TMEM40: variants seen among roughly 807,000 people sequenced by gnomAD.
TMEM40 encodes transmembrane protein 40.
A neutral mutation model predicts 40.8 loss-of-function variants in TMEM40; 34 were observed. That is an observed-to-expected ratio of 0.83 (90% CI 0.63 to 1.11). The LOEUF (loss-of-function observed/expected upper bound fraction) is 1.11. Among genes scored for constraint, TMEM40 ranks in the 50% least tolerant of loss-of-function variants. TMEM40 has a pLI of 0.00. For synonymous variants in TMEM40, 106 were observed against 107.0 expected, an observed-to-expected ratio of 0.99 and a Z score of 0.06; for missense variants, 296 against 280.2, an observed-to-expected ratio of 1.06 and a Z score of -0.40.
At chr3:12,738,194 T>C (rs769791042) in intron 6 of TMEM40, 26 bp from the exon 7 acceptor site, 10 of 1,613,516 alleles carry the variant, frequency 6.2e-6, no homozygotes, top group Non-Finnish European at 8.5e-6. Context: ...TCAACATTAG[T>C]GCCCAACCCC....
chr3:12,762,501 G>C (rs2061576630), upstream of TMEM40, among the ~76,000 whole-genome samples: 1 of 152,130 alleles, frequency 6.6e-6, no homozygotes, highest in South Asian at 2.1e-4. Flanking sequence ...AGACCACTGT[G>C]GTCCAGAGGC....
At chr3:12,737,940 C>T in intron 7 of TMEM40, 186 bp from the exon 8 acceptor site, 2 of 930,746 alleles carry the variant, frequency 2.1e-6, no homozygotes. Flanking sequence ...TGACTTCCTC[C>T]TCCTTCCTTA....
At chr3:12,752,538 C>A (rs2061486641) in intron 1 of TMEM40, among the ~76,000 whole-genome samples, 1 of 152,048 alleles carries the variant, frequency 6.6e-6, no homozygotes, top group Admixed American at 6.6e-5. Flanking sequence ...GTGGTTCATG[C>A]CTGTAATCCC....
intron 1 of TMEM40, among the ~76,000 whole-genome samples, chr3:12,768,121 C>T (rs1017695067): frequency 2.0e-5 from 3 of 152,122 alleles, no homozygotes; most frequent in African/African-American, 7.2e-5. Context: ...GTCTCGCTGG[C>T]TCAGGAATGA....
At chr3:12,766,726 C>G (rs1195316014) in intron 1 of TMEM40, among the ~76,000 whole-genome samples, 1 of 152,174 alleles carries the variant, frequency 6.6e-6, no homozygotes, top group African/African-American at 2.4e-5. Flanking sequence ...TTGTCTAGTT[C>G]ACAGGACTCT....
chr3:12,734,765 G>A lies in TMEM40; in HGVS notation c.*9C>T, dbSNP rs974451187. 5 of 1,595,790 alleles carry A rather than the reference G, an allele frequency of 3.1e-6. No individual in the cohort carries two copies. The African/African-American group carries it at 6.7e-5, about 21-fold the overall frequency. On this transcript the variant is annotated 3_prime_UTR_variant, in exon 12 of 12. Transcript: ENST00000314124. ...GGGGCCTGCCTCTGCTGCCCACCTG[G>A]AAGTGGCCTCAGTCAGTCTTCCTGA... is the stretch of plus-strand genomic sequence containing the variant.
At chr3:12,747,321 C>T (rs1025793327) in intron 3 of TMEM40, among the ~76,000 whole-genome samples, 11 of 152,084 alleles carry the variant, frequency 7.2e-5, no homozygotes, top group Admixed American at 5.2e-4. Flanking sequence ...CAAAGACCTC[C>T]GGGGAATCCC....
At chr3:12,744,087 A>T in intron 3 of TMEM40, 98 bp from the exon 4 acceptor site, 1 of 1,292,812 alleles carries the variant, frequency 7.7e-7, no homozygotes, top group Non-Finnish European at 1.1e-6. Context: ...AGTTTATGAG[A>T]AGAGTGTGGT....
At chr3:12,755,373 T>C (rs574598204) in intron 1 of TMEM40, among the ~76,000 whole-genome samples, 5 of 151,794 alleles carry the variant, frequency 3.3e-5, no homozygotes, top group Admixed American at 1.3e-4. Flanking sequence ...ACTGTTGACC[T>C]TGAGCAATTC....
Position 12,742,470 on chromosome 3 carries a change from C to T in TMEM40, c.339G>A (p.Glu113=), listed in dbSNP as rs762921329. 4 of 1,613,848 alleles carry T rather than the reference C, an allele frequency of 2.5e-6. No individual in the cohort carries two copies. In the African/African-American group the frequency reaches 5.3e-5, roughly 22 times the overall value. The change falls in exon 5 of 12, where the codon GAG becomes GAA. Residue 113 remains glutamate (E), a synonymous_variant. Coordinates refer to ENST00000314124, the MANE Select transcript of TMEM40 (RefSeq NM_018306.4). Reference sequence around the variant, plus strand: ...ACTGATTACCTCCATAGAGTTGAAGCTCATCCTTCAAAACGTCAGGCTCCC... The same window carrying T: ...ACTGATTACCTCCATAGAGTTGAAGTTCATCCTTCAAAACGTCAGGCTCCC... ...GHGEPDVLKD[E]LQLYGDAPGE...
intron 10 of TMEM40, 138 bp downstream of exon 10, chr3:12,736,440 G>A (rs2061337850): frequency 3.8e-6 from 4 of 1,042,390 alleles, no homozygotes; most frequent in Non-Finnish European, 5.6e-6. Context: ...GTAAGCCACC[G>A]CGCCTGGCCA....
Position 12,736,740 on chromosome 3 carries a change from A to G in TMEM40, c.544+24T>C, listed in dbSNP as rs201732798. On this transcript the variant is annotated intron_variant, in intron 9 of 11. Coordinates refer to ENST00000314124, the MANE Select transcript of TMEM40 (RefSeq NM_018306.4). ...CCACCCCATGCCATCCCCCTTGTGC[A>G]TTCCCCAGGGCACCTCCCCTCACCT... 6.1e-4 allele frequency: 986 copies of G among 1,613,900 alleles called. 6 individuals are homozygous for G. In the African/African-American group the frequency reaches 0.012, roughly 20 times the overall value.
At chr3:12,746,129 C>T (rs1399097050) in intron 3 of TMEM40, among the ~76,000 whole-genome samples, 2 of 151,936 alleles carry the variant, frequency 1.3e-5, no homozygotes, top group Non-Finnish European at 2.9e-5. Context: ...AACTCCTGAC[C>T]TCAGGTGATC....
intron 1 of TMEM40, among the ~76,000 whole-genome samples, chr3:12,751,766 A>C (rs1207045540): frequency 6.6e-6 from 1 of 152,192 alleles, no homozygotes; most frequent in Non-Finnish European, 1.5e-5. Context: ...TCATTGGCTG[A>C]GATCATCTCT....
At chr3:12,752,051 C>T (rs2061481758) in intron 1 of TMEM40, among the ~76,000 whole-genome samples, 1 of 152,174 alleles carries the variant, frequency 6.6e-6, no homozygotes, top group Admixed American at 6.5e-5. Flanking sequence ...TACCCATCAA[C>T]TCTATTCCCC....
chr3:12,752,852 G>GT (rs2061489554), intron 1 of TMEM40, among the ~76,000 whole-genome samples: 1 of 152,092 alleles, frequency 6.6e-6, no homozygotes, highest in African/African-American at 2.4e-5. Context: ...GGACCACACA[G>GT]TAAGTGGTTA....
intron 3 of TMEM40, 105 bp downstream of exon 3, chr3:12,748,550 G>A (rs924201751): frequency 4.2e-6 from 6 of 1,443,056 alleles, no homozygotes; most frequent in East Asian, 2.3e-5. Flanking sequence ...GTGGAGAAAC[G>A]GTATTGGAGT....
intron 5 of TMEM40, 44 bp from the exon 6 acceptor site, chr3:12,738,632 G>C (rs111416953): frequency 5.5e-5 from 87 of 1,582,432 alleles, no homozygotes; most frequent in Admixed American, 2.5e-4. Flanking sequence ...ATGATCCTCT[G>C]GGGGGGGAGA....
intron 1 of TMEM40, among the ~76,000 whole-genome samples, chr3:12,755,209 T>TACTTTCTCTCTC (rs1553634004): frequency 3.8e-5 from 3 of 78,138 alleles, no homozygotes; most frequent in African/African-American, 6.8e-5. Flanking sequence ...CTTTCTTTCT[T>TACTTTCTCTCTC]TCTTTCTCTC....
Sources: allele counts gnomAD v4.1 joint callset (sites outside exome capture counted in the v4.1 genomes callset), GRCh38; gene constraint gnomAD v4.1.1; transcripts MANE v1.5; gene names NCBI Gene and HGNC (gene_info 2026-07-23, HGNC 2026-07-21).